Variants in HIP1 observed in about 807,000 individuals in gnomAD.
HIP1 encodes the protein huntingtin-interacting protein 1.
Under a neutral mutation model 147.6 loss-of-function variants are expected in HIP1, and 65 were observed. The observed-to-expected ratio is 0.44, with a 90% CI of 0.36 to 0.54. The LOEUF (loss-of-function observed/expected upper bound fraction) is 0.54. Ranked by LOEUF, HIP1 falls within the 20% of genes least tolerant of loss-of-function variation. The pLI, the probability that HIP1 is intolerant of heterozygous loss-of-function variation, is 0.00. For synonymous variants in HIP1, 479 were observed against 504.0 expected (o/e 0.95, Z 0.67); for missense variants, 1,061 against 1,299.6 (o/e 0.82, Z 2.82).
intron 1 of HIP1, among the ~76,000 whole-genome samples, chr7:75,632,269 C>A (rs1436413806): frequency 1.3e-5 from 2 of 152,146 alleles, no homozygotes; most frequent in Non-Finnish European, 1.5e-5. Context: ...ACGTCCTCAC[C>A]CAGGGGCCTA....
At chr7:75,666,373 T>A (rs1554514618) in intron 1 of HIP1, among the ~76,000 whole-genome samples, 1 of 152,084 alleles carries the variant, frequency 6.6e-6, no homozygotes, top group Non-Finnish European at 1.5e-5. Flanking sequence ...TTTCGCCATG[T>A]TGGCCAGGCT....
chr7:75,689,521 T>C (rs1800376476), intron 1 of HIP1, among the ~76,000 whole-genome samples: 1 of 152,046 alleles, frequency 6.6e-6, no homozygotes, highest in Non-Finnish European at 1.5e-5. Flanking sequence ...TAAATAAAGG[T>C]AATATCAACT....
chr7:75,705,955 G>T (rs1487918772), intron 1 of HIP1, among the ~76,000 whole-genome samples: 2 of 151,692 alleles, frequency 1.3e-5, no homozygotes, highest in African/African-American at 2.4e-5. Flanking sequence ...GCAGTGGCGC[G>T]ATCTTGGCTC....
At position 75,738,806 on chromosome 7, in the gene HIP1, T is replaced by C. The variant is rs1320870643; in HGVS notation, c.115A>G (p.Thr39Ala). ...CCGGGGTCCCCCGTCCTCACCTGAGTCCGCTCGAAGCTCTCGCGCTCCGCC... is the reference window on the plus strand; with the variant it reads ...CCGGGGTCCCCCGTCCTCACCTGAGCCCGCTCGAAGCTCTCGCGCTCCGCC... ...EAAERESFER[T>A]QTVSINKAIN... Residue 39 changes from threonine to alanine, a missense_variant, in exon 1 of 31, where the codon ACT becomes GCT. By Grantham distance (58) the Thr-to-Ala change is moderately conservative. Coordinates refer to ENST00000336926, the MANE Select transcript of HIP1 (RefSeq NM_005338.7). The C allele has an allele frequency of 6.2e-7, 1 of 1,601,676 alleles. No homozygotes were observed. The highest frequency in any genetic ancestry group is 1.7e-5 in the Admixed American group (1 of 59,162).
At chr7:75,657,455 G>A (rs954287443) in intron 1 of HIP1, among the ~76,000 whole-genome samples, 4 of 151,362 alleles carry the variant, frequency 2.6e-5, no homozygotes, top group East Asian at 1.9e-4. Flanking sequence ...GCTTGAACCC[G>A]GGAGGTGGAG....
At chr7:75,543,337 T>C (rs587715488) in intron 27 of HIP1, among the ~76,000 whole-genome samples, 1 of 152,180 alleles carries the variant, frequency 6.6e-6, no homozygotes, top group African/African-American at 2.4e-5. Context: ...GTTGGGGGCA[T>C]TGATGATATT....
intron 1 of HIP1, among the ~76,000 whole-genome samples, chr7:75,698,109 A>G (rs74582502): frequency 0.037 from 5,670 of 152,250 alleles, 130 homozygotes; most frequent in Non-Finnish European, 0.058. Context: ...ATGAGCCACC[A>G]TGTCCAGCCC....
chr7:75,737,290 T>G (rs1464174378), intron 1 of HIP1, among the ~76,000 whole-genome samples: 1 of 151,990 alleles, frequency 6.6e-6, no homozygotes, highest in Non-Finnish European at 1.5e-5. Context: ...GCCAAAGGTT[T>G]TCAGAATAAG....
intron 8 of HIP1, among the ~76,000 whole-genome samples, chr7:75,571,532 A>T (rs1214004962): frequency 6.6e-6 from 1 of 152,142 alleles, no homozygotes; most frequent in East Asian, 1.9e-4. Flanking sequence ...GAGATTCATT[A>T]CTTGTCAATA....
At chr7:75,586,127 A>C (rs1253936075) in intron 5 of HIP1, among the ~76,000 whole-genome samples, 3 of 151,924 alleles carry the variant, frequency 2.0e-5, no homozygotes, top group African/African-American at 7.3e-5. Flanking sequence ...AATTGTTTTT[A>C]TTAACAGTAA....
chr7:75,695,891 C>T (rs1276349746), intron 1 of HIP1, among the ~76,000 whole-genome samples: 1 of 151,608 alleles, frequency 6.6e-6, no homozygotes, highest in Non-Finnish European at 1.5e-5. Flanking sequence ...GGTTCTTAGA[C>T]ATCCTCTCCA....
rs181512313 is a variant in HIP1, at chr7:75,631,111, C to T, written c.121-31864G>A. On this transcript the variant is annotated intron_variant, in intron 1 of 30. Coordinates refer to ENST00000336926, the MANE Select transcript of HIP1 (RefSeq NM_005338.7). ...TAGTAGCTGAGACCACAGGCTCATG[C>T]GACCAAACCCAGATAATTTGTTTTT... 4.9e-4 allele frequency among the ~76,000 whole-genome samples: 74 copies of T among 151,890 alleles called. No individual in the cohort carries two copies. The East Asian group carries it at 9.3e-3, about 19-fold the overall frequency.
rs1554492712 is a variant in HIP1, at chr7:75,554,159, A to G, written c.2112T>C (p.Ala704=). The part of the protein sequence containing the change: ...LLAHLTSDAI[A]HGATTCLRAP... ...CTCTGAGGCAGGTGGTGGCACCATG[A>G]GCAATGGCGTCGCTGGTCAAGTGGG... Residue 704 remains alanine, a synonymous_variant, in exon 21 of 31, where the codon GCT becomes GCC. Coordinates refer to ENST00000336926, the MANE Select transcript of HIP1 (RefSeq NM_005338.7). 6.2e-7 allele frequency: 1 copy of G among 1,614,058 alleles called. No homozygotes were observed. Among genetic ancestry groups the G allele is most frequent in the Non-Finnish European group, 8.5e-7 (1 of 1,180,008 alleles).
chr7:75,696,570 GCCTCC>G (rs1225858742), intron 1 of HIP1, among the ~76,000 whole-genome samples: 24 of 55,684 alleles, frequency 4.3e-4, no homozygotes, highest in Middle Eastern at 0.018. Flanking sequence ...CCTTCCCCTC[GCCTCC>G]CCTCCCCTCC....
chr7:75,592,018 G>A, intron 4 of HIP1, 38 bp downstream of exon 4: 1 of 1,538,936 alleles, frequency 6.5e-7, no homozygotes, highest in Non-Finnish European at 9.0e-7. Flanking sequence ...GGAAGGAAAG[G>A]AGAAGCAGGT....
rs199745095 is a variant in HIP1 at position 75,540,719 on chromosome 7, AT to A, written c.2952+1199del. Among the ~76,000 whole-genome samples, 199 of 151,824 alleles carry A rather than the reference AT, an allele frequency of 1.3e-3. 1 individual carries two copies. The highest frequency in any genetic ancestry group is 4.2e-3 in the African/African-American group (174 of 41,416). On this transcript the variant is annotated intron_variant, in intron 29 of 30. Coordinates refer to ENST00000336926, the MANE Select transcript of HIP1 (RefSeq NM_005338.7). The stretch of plus-strand genomic sequence containing the variant: ...CAGTTATTCTAGAAAAACTATGTCA[AT>A]TTTTTTTTAAAGGATCTCGCTGATA...
intron 1 of HIP1, among the ~76,000 whole-genome samples, chr7:75,617,445 G>A (rs1237404415): frequency 6.6e-6 from 1 of 152,030 alleles, no homozygotes; most frequent in African/African-American, 2.4e-5. Context: ...TCGAACTCCT[G>A]GCCTCAAGCC....
intron 29 of HIP1, among the ~76,000 whole-genome samples, chr7:75,541,507 G>T (rs1272807244): frequency 6.6e-6 from 1 of 151,478 alleles, no homozygotes; most frequent in African/African-American, 2.4e-5. Flanking sequence ...CTCCAGCCTG[G>T]GCGACAGAGC....
intron 1 of HIP1, among the ~76,000 whole-genome samples, chr7:75,687,546 C>T (rs1415528581): frequency 2.0e-5 from 3 of 152,104 alleles, no homozygotes; most frequent in Admixed American, 6.6e-5. Flanking sequence ...ACAAAATTAG[C>T]CAGGCTTGGT....
Sources: gnomAD v4.1 joint callset for allele counts (sites outside exome capture counted in the v4.1 genomes callset) on GRCh38, gnomAD v4.1.1 for gene constraint, MANE v1.5 for transcripts, NCBI Gene and HGNC (gene_info 2026-07-23, HGNC 2026-07-21) for gene names.